Variants in ZNF804B observed in about 807,000 individuals in gnomAD.
ZNF804B encodes zinc finger protein 804B.
Under a neutral mutation model 101.4 loss-of-function variants are expected in ZNF804B, and 80 were observed. That is an observed-to-expected ratio of 0.79 (90% CI 0.66 to 0.95). The LOEUF (loss-of-function observed/expected upper bound fraction) is 0.95. Among genes scored for constraint, ZNF804B ranks in the 40% least tolerant of loss-of-function variants. The pLI, the probability that ZNF804B is intolerant of heterozygous loss-of-function variation, is 0.00. For missense variants in ZNF804B, 1,673 were observed against 1,561.9 expected (o/e 1.07, Z -1.20); for synonymous variants, 622 against 558.8 (o/e 1.11, Z -1.59).
At chr7:88,981,788 C>G (rs985613015) in intron 1 of ZNF804B, among the ~76,000 whole-genome samples, 3 of 151,928 alleles carry the variant, frequency 2.0e-5, no homozygotes, top group Admixed American at 2.0e-4. Flanking sequence ...ATGCAAAGTC[C>G]CAAGATCACT....
At chr7:88,820,569 C>T (rs982710408) in intron 1 of ZNF804B, among the ~76,000 whole-genome samples, 2 of 152,122 alleles carry the variant, frequency 1.3e-5, no homozygotes, top group African/African-American at 4.8e-5. Context: ...GTTGTTAAGT[C>T]ACTTGAAGTA....
chr7:89,246,554 G>A (rs1400709521), intron 2 of ZNF804B, among the ~76,000 whole-genome samples: 6 of 152,122 alleles, frequency 3.9e-5, no homozygotes, highest in African/African-American at 1.4e-4. Context: ...AGATCCTGGT[G>A]TAAGGAGCTC....
chr7:88,846,182 A>T lies in ZNF804B; in HGVS notation c.108+86098A>T, dbSNP rs894640762. 2.0e-5 allele frequency among the ~76,000 whole-genome samples: 3 copies of T among 152,216 alleles called. No individual in the cohort carries two copies. In the South Asian group the frequency reaches 6.2e-4, roughly 32 times the overall value. ...GTCCAATAAATCTGTTATTGTTTTAAATTTTCCAATAAGCATTATTTGCAA... is the reference window on the plus strand; with the variant it reads ...GTCCAATAAATCTGTTATTGTTTTATATTTTCCAATAAGCATTATTTGCAA... On this transcript the variant is annotated intron_variant, in intron 1 of 3. Coordinates refer to ENST00000333190, the MANE Select transcript of ZNF804B (RefSeq NM_181646.5).
intron 1 of ZNF804B, among the ~76,000 whole-genome samples, chr7:88,969,718 G>T (rs1482019421): frequency 6.6e-6 from 1 of 151,560 alleles, no homozygotes. Context: ...GCATTTATTA[G>T]CTAAAATTAT....
chr7:89,240,771 C>A (rs1425218094), intron 2 of ZNF804B, among the ~76,000 whole-genome samples: 4 of 151,996 alleles, frequency 2.6e-5, no homozygotes, highest in African/African-American at 9.7e-5. Context: ...AGCATAATTT[C>A]TTGCTGAGTA....
At chr7:89,009,374 T>C (rs1788418668) in intron 1 of ZNF804B, among the ~76,000 whole-genome samples, 1 of 152,150 alleles carries the variant, frequency 6.6e-6, no homozygotes, top group Admixed American at 6.6e-5. Context: ...CTTCTCAATT[T>C]CAATCACATA....
At chr7:88,865,927 A>C (rs1791719475) in intron 1 of ZNF804B, among the ~76,000 whole-genome samples, 1 of 152,216 alleles carries the variant, frequency 6.6e-6, no homozygotes, top group African/African-American at 2.4e-5. Flanking sequence ...CATAATACTT[A>C]TCACATTGGT....
intron 1 of ZNF804B, among the ~76,000 whole-genome samples, chr7:89,171,885 TTAA>T (rs1791242533): frequency 6.6e-6 from 1 of 152,192 alleles, no homozygotes; most frequent in Non-Finnish European, 1.5e-5. Flanking sequence ...CTGTCTCTAA[TTAA>T]TAATTGAGTT....
intron 1 of ZNF804B, among the ~76,000 whole-genome samples, chr7:89,185,802 G>A (rs1036084618): frequency 1.7e-4 from 26 of 151,960 alleles, no homozygotes; most frequent in African/African-American, 5.8e-4. Context: ...GGAGGTTGCA[G>A]TGAGCCAAAA....
intron 1 of ZNF804B, among the ~76,000 whole-genome samples, chr7:89,037,583 A>G (rs989339829): frequency 5.3e-5 from 8 of 151,776 alleles, no homozygotes; most frequent in Non-Finnish European, 1.0e-4. Flanking sequence ...ATATATATAT[A>G]TATTTTGAAA....
intron 1 of ZNF804B, among the ~76,000 whole-genome samples, chr7:89,148,877 A>G (rs1447450049): frequency 6.6e-6 from 1 of 151,978 alleles, no homozygotes; most frequent in Non-Finnish European, 1.5e-5. Flanking sequence ...AAAAGTCTCA[A>G]TTTTTATTTC....
intron 1 of ZNF804B, among the ~76,000 whole-genome samples, chr7:88,985,258 A>AAG (rs1793743644): frequency 6.6e-6 from 1 of 151,952 alleles, no homozygotes; most frequent in South Asian, 2.1e-4. Context: ...AACCAAAAAA[A>AAG]AAAAAAAATT....
At chr7:88,902,559 T>C (rs917032533) in intron 1 of ZNF804B, among the ~76,000 whole-genome samples, 7 of 152,034 alleles carry the variant, frequency 4.6e-5, no homozygotes, top group African/African-American at 1.7e-4. Flanking sequence ...AAAAGAGGCA[T>C]TTTTATGTTA....
At chr7:89,258,786 A>G (rs1238293521) in intron 2 of ZNF804B, among the ~76,000 whole-genome samples, 3 of 152,164 alleles carry the variant, frequency 2.0e-5, no homozygotes, top group Non-Finnish European at 4.4e-5. Flanking sequence ...TTTTATTAAA[A>G]TCATAGGAAA....
chr7:89,200,429 C>A (rs1355497575), intron 1 of ZNF804B, among the ~76,000 whole-genome samples: 1 of 151,902 alleles, frequency 6.6e-6, no homozygotes, highest in Admixed American at 6.6e-5. Flanking sequence ...GATCATAAAT[C>A]TCCTCTTAAA....
At chr7:88,885,224 T>A (rs1413625099) in intron 1 of ZNF804B, among the ~76,000 whole-genome samples, 1 of 151,948 alleles carries the variant, frequency 6.6e-6, no homozygotes, top group East Asian at 1.9e-4. Context: ...GCTACCTTCC[T>A]CAGAGCAGGA....
chr7:88,814,262 A>C (rs1790839336), intron 1 of ZNF804B, among the ~76,000 whole-genome samples: 1 of 152,162 alleles, frequency 6.6e-6, no homozygotes, highest in Non-Finnish European at 1.5e-5. Flanking sequence ...AAAGGTGTAC[A>C]TCTGGCTATT....
At chr7:89,197,589 A>G (rs1426050052) in intron 1 of ZNF804B, among the ~76,000 whole-genome samples, 3 of 151,932 alleles carry the variant, frequency 2.0e-5, no homozygotes, top group Non-Finnish European at 2.9e-5. Context: ...TAACTGCTAC[A>G]TGAAAATAAA....
At chr7:88,886,612 G>A (rs1354439099) in intron 1 of ZNF804B, among the ~76,000 whole-genome samples, 3 of 151,408 alleles carry the variant, frequency 2.0e-5, no homozygotes, top group Admixed American at 6.6e-5. Context: ...ACAATGTATG[G>A]TGATTTTCAA....
Sources: gnomAD v4.1 joint callset for allele counts (sites outside exome capture counted in the v4.1 genomes callset) on GRCh38, gnomAD v4.1.1 for gene constraint, MANE v1.5 for transcripts, NCBI Gene and HGNC (gene_info 2026-07-23, HGNC 2026-07-21) for gene names.